Variants in SYT17 observed in about 807,000 individuals in gnomAD.
SYT17 encodes synaptotagmin 17.
SYT17 carries 22 observed loss-of-function variants against 46.7 expected under a neutral mutation model. The ratio of observed to expected loss-of-function variants is 0.47; its 90% CI spans 0.34 to 0.67. The LOEUF is 0.67. Ranked by LOEUF, SYT17 falls within the 30% of genes least tolerant of loss-of-function variation. SYT17 has a pLI of 0.01. For synonymous variants in SYT17, 251 were observed against 248.4 expected, an observed-to-expected ratio of 1.01 and a Z score of -0.10; for missense variants, 519 against 612.8, an observed-to-expected ratio of 0.85 and a Z score of 1.62.
At chr16:19,192,249 A>T (rs1476522400) in intron 5 of SYT17, among the ~76,000 whole-genome samples, 3 of 150,488 alleles carry the variant, frequency 2.0e-5, no homozygotes, top group Non-Finnish European at 4.4e-5. Context: ...GTGAAATCCC[A>T]TCTCTACTTT....
At chr16:19,218,727 C>A (rs1966187875) in intron 5 of SYT17, among the ~76,000 whole-genome samples, 1 of 152,176 alleles carries the variant, frequency 6.6e-6, no homozygotes, top group Non-Finnish European at 1.5e-5. Flanking sequence ...TGAAGACTGC[C>A]AGGATTGGGC....
At chr16:19,235,903 A>C (rs1390394148) in intron 7 of SYT17, among the ~76,000 whole-genome samples, 1 of 152,242 alleles carries the variant, frequency 6.6e-6, no homozygotes, top group Non-Finnish European at 1.5e-5. Context: ...GAGTGAAAAA[A>C]ATCGGGGAAA....
chr16:19,200,792 A>G (rs1373956777), intron 5 of SYT17, among the ~76,000 whole-genome samples: 2 of 152,190 alleles, frequency 1.3e-5, no homozygotes, highest in African/African-American at 4.8e-5. Context: ...CCCAGTGTTG[A>G]GAGAAAGAAG....
At chr16:19,211,718 C>T (rs1030747087) in intron 5 of SYT17, among the ~76,000 whole-genome samples, 3 of 151,916 alleles carry the variant, frequency 2.0e-5, no homozygotes, top group Non-Finnish European at 2.9e-5. Flanking sequence ...CTCCACCTCC[C>T]GGGTTCACGG....
At chr16:19,237,788 TA>T (rs1235024937) in intron 7 of SYT17, among the ~76,000 whole-genome samples, 2 of 152,202 alleles carry the variant, frequency 1.3e-5, no homozygotes, top group African/African-American at 4.8e-5. Flanking sequence ...CCTCATGGAC[TA>T]AGCCCTACTT....
At chr16:19,227,968 A>G (rs1358799102) in intron 7 of SYT17, among the ~76,000 whole-genome samples, 1 of 152,082 alleles carries the variant, frequency 6.6e-6, no homozygotes, top group Non-Finnish European at 1.5e-5. Flanking sequence ...ATGAATACAA[A>G]TGGATTTAAC....
intron 5 of SYT17, among the ~76,000 whole-genome samples, chr16:19,196,849 C>A (rs984307849): frequency 7.2e-5 from 11 of 152,128 alleles, no homozygotes; most frequent in South Asian, 4.1e-4. Context: ...AGAATAATTT[C>A]TCTGGGACTT....
chr16:19,196,472 A>T (rs1965250534), intron 5 of SYT17, among the ~76,000 whole-genome samples: 1 of 151,998 alleles, frequency 6.6e-6, no homozygotes, highest in Non-Finnish European at 1.5e-5. Flanking sequence ...CGAACTCCTG[A>T]CCTCATGTGA....
intron 5 of SYT17, among the ~76,000 whole-genome samples, chr16:19,221,980 C>A (rs9933128): frequency 0.013 from 2,031 of 152,160 alleles, 26 homozygotes; most frequent in African/African-American, 0.021. Context: ...ATTTTTGAAG[C>A]TGAATGATGT....
rs952594660 is a variant in SYT17, at chr16:19,175,357, C to T, written c.182+1779C>T. Among the ~76,000 whole-genome samples, 5 of 151,828 alleles carry T rather than the reference C, an allele frequency of 3.3e-5. No individual in the cohort carries two copies. The East Asian group carries it at 9.7e-4, about 29-fold the overall frequency. On this transcript the variant is annotated intron_variant, in intron 3 of 7. Transcript: ENST00000355377. ...TTTTTGGTGAAAGCAACTCATTAAT[C>T]AAGAGATAATTCACAGCCGGGTGCC...
In SYT17 at chr16:19,168,591, G is replaced by C; in HGVS notation, c.-56G>C. On this transcript the variant is annotated 5_prime_UTR_variant, in exon 1 of 8. Transcript: ENST00000355377. This position sits in a 1 kb window ranked among gnomAD's most constrained non-coding sequence, Gnocchi z 6.9. ...TCTTCCCCCTCCGCTGTTGGCGAGG[G>C]CAAAGTGGCCGTGGCGGCGCCATGC... is the stretch of plus-strand genomic sequence containing the variant. 1 of 1,542,658 alleles carries C rather than the reference G, an allele frequency of 6.5e-7. No homozygotes were observed. The highest frequency in any genetic ancestry group is 8.8e-7 in the Non-Finnish European group (1 of 1,142,668).
intron 7 of SYT17, among the ~76,000 whole-genome samples, chr16:19,234,946 G>A (rs541911156): frequency 6.6e-6 from 1 of 152,292 alleles, no homozygotes; most frequent in East Asian, 1.9e-4. Flanking sequence ...GTGGTATGAT[G>A]TCTGGGAGCC....
Position 19,173,458 on chromosome 16 carries a change from T to C in SYT17, c.62T>C (p.Leu21Pro). The change falls in exon 3 of 8, where the codon CTG (leucine) becomes CCG (proline). Residue 21 changes from leucine to proline, a missense_variant. Leu to Pro is a moderately conservative substitution (Grantham distance 98, BLOSUM62 -3). Transcript: ENST00000355377. ...TTTCTTTCTAGAATCTCTGGTCTGC[T>C]GCTGTGCAGATGGACCTGCCGGCAC... ...EGFLSRISGL[L>P]LCRWTCRHCC... The C allele has an allele frequency of 6.8e-7, 1 of 1,478,744 alleles. No individual in the cohort carries two copies. Among genetic ancestry groups the C allele is most frequent in the Non-Finnish European group, 9.1e-7 (1 of 1,095,726 alleles). 91.6% of individuals were successfully genotyped at this position (1,478,744 alleles called of 1,614,324 possible).
chr16:19,199,647 G>A (rs895637477), intron 5 of SYT17, among the ~76,000 whole-genome samples: 1 of 152,160 alleles, frequency 6.6e-6, no homozygotes, highest in African/African-American at 2.4e-5. Flanking sequence ...GAGGCAGGTA[G>A]ATCCCCTGAG....
intron 5 of SYT17, among the ~76,000 whole-genome samples, chr16:19,203,390 A>G (rs1965543557): frequency 6.6e-6 from 1 of 151,812 alleles, no homozygotes; most frequent in East Asian, 1.9e-4. Flanking sequence ...CCAGCTACTC[A>G]GCAGGCTGAG....
At chr16:19,194,654 G>T (rs914619028) in intron 5 of SYT17, among the ~76,000 whole-genome samples, 1 of 152,166 alleles carries the variant, frequency 6.6e-6, no homozygotes, top group Non-Finnish European at 1.5e-5. Context: ...GGAGTGCAGG[G>T]GTGCGATCAT....
chr16:19,260,068 A>G (rs980237229), intron 7 of SYT17, among the ~76,000 whole-genome samples: 1 of 152,110 alleles, frequency 6.6e-6, no homozygotes, highest in African/African-American at 2.4e-5. Context: ...GTTATTATCT[A>G]AAGACCTGAA....
intron 7 of SYT17, among the ~76,000 whole-genome samples, chr16:19,227,833 G>T (rs1966549699): frequency 6.6e-6 from 1 of 152,194 alleles, no homozygotes; most frequent in Non-Finnish European, 1.5e-5. Flanking sequence ...TCTGGGAATA[G>T]AGCAGTGAAC....
rs1963966046 is a variant in SYT17, at chr16:19,168,774, T to C, written c.15+113T>C. 7.5e-7 allele frequency: 1 copy of C among 1,327,354 alleles called. No homozygotes were observed. 82.2% of individuals were successfully genotyped at this position (1,327,354 alleles called of 1,614,324 possible). Reference sequence around the variant, plus strand: ...ACGGCTAGGCTCCCACAAACTTGCTTCGAGAAAAAGGGTGCCCGTGCGCGG... The same window carrying C: ...ACGGCTAGGCTCCCACAAACTTGCTCCGAGAAAAAGGGTGCCCGTGCGCGG... On this transcript the variant is annotated intron_variant, in intron 1 of 7. Coordinates refer to ENST00000355377, the MANE Select transcript of SYT17 (RefSeq NM_016524.4). This position sits in a 1 kb window ranked among gnomAD's most constrained non-coding sequence, Gnocchi z 6.9.
Sources: gnomAD v4.1 joint callset for allele counts (sites outside exome capture counted in the v4.1 genomes callset) on GRCh38, gnomAD v4.1.1 for gene constraint, Gnocchi (gnomAD v3.1) non-coding constraint, MANE v1.5 for transcripts, NCBI Gene and HGNC (gene_info 2026-07-23, HGNC 2026-07-21) for gene names.